Variants in CLK4 observed in about 807,000 individuals in gnomAD.
CLK4 encodes CDC like kinase 4, also known as dual specificity protein kinase CLK4.
Under a neutral mutation model 64.4 loss-of-function variants are expected in CLK4, and 37 were observed. That is an observed-to-expected ratio of 0.57 (90% CI 0.44 to 0.76). CLK4 has a LOEUF of 0.76. Among genes scored for constraint, CLK4 ranks in the 30% least tolerant of loss-of-function variants. The pLI is 0.00. For synonymous variants in CLK4, 175 were observed against 191.6 expected, an observed-to-expected ratio of 0.91 and a Z score of 0.72; for missense variants, 457 against 605.1, an observed-to-expected ratio of 0.76 and a Z score of 2.57.
chr5:178,611,901 C>G (rs185739506), intron 9 of CLK4, among the ~76,000 whole-genome samples: 1 of 152,164 alleles, frequency 6.6e-6, no homozygotes, highest in African/African-American at 2.4e-5. Context: ...AGGCATAACA[C>G]TCCCTTAATA....
chr5:178,605,278 A>G (rs748328593), intron 11 of CLK4, 25 bp downstream of exon 11: 9 of 1,469,118 alleles, frequency 6.1e-6, no homozygotes, highest in Non-Finnish European at 8.3e-6. Flanking sequence ...CATATCCAAC[A>G]AAAGTCTTGA....
chr5:178,605,168 C>A, intron 11 of CLK4, 135 bp downstream of exon 11: 1 of 419,182 alleles, frequency 2.4e-6, no homozygotes, highest in Non-Finnish European at 4.1e-6. Context: ...TAGAAGTTAC[C>A]TCCAGTACAG....
In CLK4 at chr5:178,615,417, T is replaced by C. The variant is rs571569184; in HGVS notation, c.542+1465A>G. ...GAATATATGGGAATTCTTTGAACTA[T>C]TTTATCAATTTTTCTGTAAGTCTGA... On this transcript the variant is annotated intron_variant, in intron 5 of 12. Transcript: ENST00000316308. Among the ~76,000 whole-genome samples the C allele has an allele frequency of 2.3e-3, 347 of 152,354 alleles. 1 individual carries two copies. Among genetic ancestry groups the C allele is most frequent in the Non-Finnish European group, 4.2e-3 (288 of 68,036 alleles).
rs765917236 is a variant in CLK4, at chr5:178,617,456, AC to A, written c.385-23del. 2.1e-5 allele frequency: 34 copies of A among 1,582,426 alleles called. No individual in the cohort carries two copies. Among genetic ancestry groups the A allele is most frequent in the Non-Finnish European group, 2.6e-5 (30 of 1,151,962 alleles). On this transcript the variant is annotated intron_variant, in intron 3 of 12. Transcript: ENST00000316308. The surrounding 1 kb of genome is among the most constrained non-coding windows in gnomAD (Gnocchi z 5.2). ...TCTTCTGGAACGGCAAGTGGGCAGC[AC>A]CAAGATCGTCCAGCCAATCAATATA... is the stretch of plus-strand genomic sequence containing the variant.
intron 1 of CLK4, among the ~76,000 whole-genome samples, chr5:178,626,340 A>G (rs1044054308): frequency 6.6e-6 from 1 of 152,340 alleles, no homozygotes; most frequent in East Asian, 1.9e-4. Context: ...GTTCGCTGCA[A>G]CAATGTTGTG....
rs1764414457 is a variant in CLK4, at chr5:178,603,377, C to T, written c.*240G>A. The stretch of plus-strand genomic sequence containing the variant: ...TTATCACTGGACACAAAGGATATTT[C>T]AAAGGTATTTAAAAATGGTAATTTC... On this transcript the variant is annotated 3_prime_UTR_variant, in exon 13 of 13. Transcript: ENST00000316308. 3.7e-6 allele frequency: 1 copy of T among 267,632 alleles called. No homozygotes were observed. Among genetic ancestry groups the T allele is most frequent in the South Asian group, 1.3e-4 (1 of 7,980 alleles). The allele number at this position is 267,632 out of a possible 1,614,324, so 16.6% of individuals were successfully genotyped here. A position where few individuals can be genotyped will look rare whatever the true frequency, so the allele number is the denominator to read the frequency against.
intron 11 of CLK4, chr5:178,604,877 T>G (rs1208695456): frequency 6.5e-6 from 1 of 152,718 alleles, no homozygotes; most frequent in Non-Finnish European, 1.5e-5. Context: ...CACCTGTAAT[T>G]CCAGCACTTT....
At chr5:178,616,746 A>G in intron 5 of CLK4, 136 bp downstream of exon 5, 1 of 644,148 alleles carries the variant, frequency 1.6e-6, no homozygotes, top group Non-Finnish European at 2.7e-6. Context: ...CAGTGAGCCA[A>G]GATAGCACCA....
Position 178,603,564 on chromosome 5 carries a change from G to T in CLK4, c.*53C>A. The T allele has an allele frequency of 7.6e-7, 1 of 1,321,896 alleles. No individual in the cohort carries two copies. The highest frequency in any genetic ancestry group is 1.0e-6 in the Non-Finnish European group (1 of 977,880). The allele number at this position is 1,321,896 out of a possible 1,614,324, so 81.9% of individuals were successfully genotyped here. On this transcript the variant is annotated 3_prime_UTR_variant, in exon 13 of 13. Coordinates refer to ENST00000316308, the MANE Select transcript of CLK4 (RefSeq NM_020666.3). ...TTAGAATGTTTAGTTGACTGACACAGTCTTAAGTAATCTCTTCTAGAGAAG... is the reference window on the plus strand; with the variant it reads ...TTAGAATGTTTAGTTGACTGACACATTCTTAAGTAATCTCTTCTAGAGAAG...
chr5:178,607,507 C>CTTT (rs70997615), intron 10 of CLK4, among the ~76,000 whole-genome samples: 794 of 78,018 alleles, frequency 0.01, 40 homozygotes, highest in Non-Finnish European at 0.012. Context: ...TACACTTTGT[C>CTTT]TTTTTTTTTT....
chr5:178,625,422 CAAAAAAAAAA>C (rs58734641), intron 1 of CLK4, among the ~76,000 whole-genome samples: 3 of 121,540 alleles, frequency 2.5e-5, no homozygotes, highest in African/African-American at 6.3e-5. Flanking sequence ...GACCCTGTCT[CAAAAAAAAAA>C]AAAAAAAAAA....
intron 5 of CLK4, among the ~76,000 whole-genome samples, chr5:178,616,424 C>T (rs752172122): frequency 1.4e-4 from 22 of 152,178 alleles, no homozygotes; most frequent in Non-Finnish European, 2.6e-4. Flanking sequence ...TCCACATTCA[C>T]GGTAAATAAA....
chr5:178,616,473 C>G (rs921556142), intron 5 of CLK4, among the ~76,000 whole-genome samples: 4 of 152,064 alleles, frequency 2.6e-5, no homozygotes, highest in African/African-American at 9.7e-5. Context: ...GTAATTTACC[C>G]CCCAAAACAC....
At chr5:178,619,592 A>G (rs1032927580) in intron 2 of CLK4, 1 of 243,676 alleles carries the variant, frequency 4.1e-6, no homozygotes, top group South Asian at 5.2e-5. Context: ...CCTGTTTGAG[A>G]AATACCTAAG....
intron 9 of CLK4, among the ~76,000 whole-genome samples, chr5:178,608,700 G>C (rs1441255352): frequency 6.6e-6 from 1 of 152,102 alleles, no homozygotes; most frequent in Non-Finnish European, 1.5e-5. Context: ...AAATAAAAGG[G>C]GGCTACCATT....
rs1416924529 is a variant in CLK4 at position 178,602,752 on chromosome 5, CTT to C, written c.*863_*864del. The C allele has an allele frequency of 6.6e-6, 1 of 152,214 alleles. No homozygotes were observed. The highest frequency in any genetic ancestry group is 1.5e-5 in the Non-Finnish European group (1 of 68,038). 9.4% of individuals were successfully genotyped at this position (152,214 alleles called of 1,614,324 possible). ...CCAAACTGCTTTCCAATCAAATCCT[CTT>C]TCTCCCGTAAGAATTATCACAGACA... On this transcript the variant is annotated 3_prime_UTR_variant, in exon 13 of 13. Transcript: ENST00000316308.
chr5:178,610,214 C>T (rs1312385778), intron 9 of CLK4, among the ~76,000 whole-genome samples: 4 of 151,630 alleles, frequency 2.6e-5, no homozygotes, highest in East Asian at 1.9e-4. Flanking sequence ...CGCTTGAACC[C>T]GGGAGGCAGA....
chr5:178,613,695 T>C (rs1764589130), intron 6 of CLK4, 32 bp downstream of exon 6: 1 of 1,607,190 alleles, frequency 6.2e-7, no homozygotes, highest in South Asian at 1.1e-5. Flanking sequence ...TTTCATGTAA[T>C]ATGATGGCTC....
intron 7 of CLK4, 71 bp downstream of exon 7, chr5:178,613,402 G>C (rs1764584856): frequency 9.2e-7 from 1 of 1,088,402 alleles, no homozygotes; most frequent in Non-Finnish European, 1.2e-6. Context: ...CTGGGTGACA[G>C]AGCGAGACTC....
Sources: allele counts gnomAD v4.1 joint callset (sites outside exome capture counted in the v4.1 genomes callset), GRCh38; gene constraint gnomAD v4.1.1; non-coding constraint Gnocchi (gnomAD v3.1); transcripts MANE v1.5; gene names NCBI Gene and HGNC (gene_info 2026-07-23, HGNC 2026-07-21).